The following RAD51B variants were observed in gnomAD, a reference collection of about 807,000 sequenced individuals.
The protein encoded by RAD51B is DNA repair protein RAD51 homolog 2.
RAD51B carries 38 observed loss-of-function variants against 42.2 expected under a neutral mutation model. The observed-to-expected ratio is 0.90, with a 90% CI of 0.70 to 1.18. The LOEUF is 1.18. Ranked by LOEUF, RAD51B falls within the 50% of genes most tolerant of loss-of-function variation. The probability of loss-of-function intolerance (pLI) is 0.00; values close to 1 mark genes in which losing one functional copy is unlikely to be tolerated. For synonymous variants in RAD51B, 154 were observed against 145.2 expected (o/e 1.06, Z -0.43); for missense variants, 373 against 400.7 (o/e 0.93, Z 0.59).
chr14:68,650,321 G>T (rs1432568977), intron 10 of RAD51B, among the ~76,000 whole-genome samples: 21 of 152,134 alleles, frequency 1.4e-4, no homozygotes, highest in Admixed American at 1.4e-3. Flanking sequence ...CTTCTGCTCA[G>T]CATCCTGCTT....
chr14:68,623,942 G>T lies in RAD51B; in HGVS notation c.1037-26839G>T, dbSNP rs1892011529. Among the ~76,000 whole-genome samples the T allele has an allele frequency of 2.0e-5, 3 of 152,286 alleles. No individual in the cohort carries two copies. The South Asian group carries it at 6.2e-4, about 32-fold the overall frequency. ...GATTTGCAGTGAGTATAACCCCTCTGGGTTGGAAACACCAGGAGTCTGGAA... is the reference window on the plus strand; with the variant it reads ...GATTTGCAGTGAGTATAACCCCTCTTGGTTGGAAACACCAGGAGTCTGGAA... On this transcript the variant is annotated intron_variant, in intron 10 of 11. Transcript: ENST00000488612.
At chr14:67,965,943 A>G (rs899177512) in intron 7 of RAD51B, among the ~76,000 whole-genome samples, 1 of 152,176 alleles carries the variant, frequency 6.6e-6, no homozygotes. Flanking sequence ...TGGGCAAACC[A>G]GGAAGAAGGA....
intron 7 of RAD51B, among the ~76,000 whole-genome samples, chr14:68,223,419 G>GA (rs1463151587): frequency 3.9e-5 from 6 of 152,202 alleles, no homozygotes; most frequent in Admixed American, 3.9e-4. Context: ...TGTGTGCCTG[G>GA]AAGCACATAC....
chr14:67,996,323 G>T (rs1456094761), intron 7 of RAD51B, among the ~76,000 whole-genome samples: 5 of 151,660 alleles, frequency 3.3e-5, no homozygotes, highest in Admixed American at 2.0e-4. Flanking sequence ...TTGAGACCAG[G>T]AGGTCGAGGC....
intron 7 of RAD51B, among the ~76,000 whole-genome samples, chr14:68,182,105 T>G (rs1370021792): frequency 6.6e-6 from 1 of 152,216 alleles, no homozygotes; most frequent in African/African-American, 2.4e-5. Context: ...GTCTAATGTG[T>G]GGTCTCAGTA....
At chr14:68,204,562 C>T (rs2079549542) in intron 7 of RAD51B, among the ~76,000 whole-genome samples, 2 of 152,138 alleles carry the variant, frequency 1.3e-5, no homozygotes, top group South Asian at 4.2e-4. Context: ...CACTAATAGA[C>T]TTGTTTGATG....
At chr14:68,679,113 T>A (rs757206420) in intron 11 of RAD51B, among the ~76,000 whole-genome samples, 3 of 152,198 alleles carry the variant, frequency 2.0e-5, no homozygotes, top group Non-Finnish European at 4.4e-5. Context: ...ATACTATATT[T>A]CAAAATCAAA....
chr14:68,246,026 T>G (rs1167470067), intron 7 of RAD51B, among the ~76,000 whole-genome samples: 1 of 152,190 alleles, frequency 6.6e-6, no homozygotes, highest in Non-Finnish European at 1.5e-5. Context: ...ACAAGGCCCC[T>G]CCTTTTAAAA....
chr14:68,002,011 A>G (rs777428404), intron 7 of RAD51B, among the ~76,000 whole-genome samples: 7 of 152,180 alleles, frequency 4.6e-5, no homozygotes, highest in Admixed American at 6.5e-5. Flanking sequence ...GATCATATGT[A>G]TGTATGTATC....
At chr14:68,591,836 A>T (rs561275392) in intron 10 of RAD51B, among the ~76,000 whole-genome samples, 329 of 152,200 alleles carry the variant, frequency 2.2e-3, no homozygotes, top group Non-Finnish European at 4.0e-3. Flanking sequence ...TGGGATGTGG[A>T]AGTGATTGGC....
chr14:67,862,150 A>C (rs182758827), intron 4 of RAD51B, among the ~76,000 whole-genome samples: 164 of 152,280 alleles, frequency 1.1e-3, no homozygotes, highest in Non-Finnish European at 1.9e-3. Flanking sequence ...CACCAAAAAA[A>C]AGATAAGTAT....
chr14:68,087,613 G>A (rs537699562), intron 7 of RAD51B, among the ~76,000 whole-genome samples: 3 of 151,624 alleles, frequency 2.0e-5, no homozygotes, highest in Admixed American at 6.6e-5. Flanking sequence ...TGGCTCCATC[G>A]GTGATTGAGC....
intron 8 of RAD51B, among the ~76,000 whole-genome samples, chr14:68,353,263 C>G (rs1380526718): frequency 6.6e-6 from 1 of 152,124 alleles, no homozygotes; most frequent in Non-Finnish European, 1.5e-5. Flanking sequence ...TATGGTCATG[C>G]TACTTAACCC....
intron 8 of RAD51B, among the ~76,000 whole-genome samples, chr14:68,393,565 G>A (rs76764799): frequency 2.6e-5 from 4 of 152,310 alleles, no homozygotes; most frequent in East Asian, 1.9e-4. Context: ...AATCTAAAGC[G>A]CCTGGGGAGC....
At chr14:68,628,673 T>C (rs1892153366) in intron 10 of RAD51B, among the ~76,000 whole-genome samples, 1 of 152,150 alleles carries the variant, frequency 6.6e-6, no homozygotes, top group African/African-American at 2.4e-5. Flanking sequence ...TTGGGTCACC[T>C]GGGCTGAGTC....
At chr14:67,914,812 A>G (rs2140121756) in intron 7 of RAD51B, among the ~76,000 whole-genome samples, 1 of 152,312 alleles carries the variant, frequency 6.6e-6, no homozygotes, top group Middle Eastern at 3.4e-3. Context: ...GCAGTAAAAT[A>G]TGGAGTCACC....
chr14:68,351,368 C>G (rs974064505), intron 8 of RAD51B, among the ~76,000 whole-genome samples: 1 of 152,176 alleles, frequency 6.6e-6, no homozygotes, highest in East Asian at 1.9e-4. Context: ...AATAATTCCT[C>G]TCTCTCTCTT....
At chr14:68,283,460 G>T (rs900986391) in intron 7 of RAD51B, among the ~76,000 whole-genome samples, 6 of 152,182 alleles carry the variant, frequency 3.9e-5, no homozygotes, top group African/African-American at 1.2e-4. Flanking sequence ...GTTCTAGCTG[G>T]CCAGAGACTT....
chr14:68,195,281 T>C (rs2079346016), intron 7 of RAD51B, among the ~76,000 whole-genome samples: 1 of 152,236 alleles, frequency 6.6e-6, no homozygotes, highest in South Asian at 2.1e-4. Flanking sequence ...ATCCTTGACA[T>C]GTCCCTTTCA....
Sources: gnomAD v4.1 joint callset for allele counts (sites outside exome capture counted in the v4.1 genomes callset) on GRCh38, gnomAD v4.1.1 for gene constraint, MANE v1.5 for transcripts, NCBI Gene and HGNC (gene_info 2026-07-23, HGNC 2026-07-21) for gene names.